Variants in MUC4 observed in about 807,000 individuals in gnomAD.
MUC4 encodes the protein mucin-4.
Under a neutral mutation model 257.9 loss-of-function variants are expected in MUC4, and 202 were observed. The ratio of observed to expected loss-of-function variants is 0.78; its 90% CI spans 0.70 to 0.88. MUC4 has a LOEUF of 0.88. Ranked by LOEUF, MUC4 falls within the 40% of genes least tolerant of loss-of-function variation. MUC4 has a pLI of 0.00. For synonymous variants in MUC4, 2,351 were observed against 2,757.1 expected (o/e 0.85, Z 4.62); for missense variants, 5,976 against 6,513.7 (o/e 0.92, Z 2.84).
chr3:195,780,228 T>G lies in MUC4; in HGVS notation c.11352A>C (p.Ser3784=). 6.8e-7 allele frequency: 1 copy of G among 1,479,906 alleles called. No individual in the cohort carries two copies. The allele number at this position is 1,479,906 out of a possible 1,614,324, so 91.7% of individuals were successfully genotyped here. The change falls in exon 2 of 25, where the codon TCA becomes TCC. Residue 3784 remains serine, a synonymous_variant. Coordinates refer to ENST00000463781, the MANE Select transcript of MUC4 (RefSeq NM_018406.7). The part of the protein sequence containing the change: ...ATPLPVTDAS[S]ASTGDTTPLP... Reference sequence around the variant, plus strand: ...GAGGGGTGGTGTCACCTGTGGATGCTGAGGAAGCGTCGGTGACAGGAAGAG... The same window carrying G: ...GAGGGGTGGTGTCACCTGTGGATGCGGAGGAAGCGTCGGTGACAGGAAGAG...
Position 195,786,249 on chromosome 3 carries a change from A to T in MUC4, c.5331T>A (p.Leu1777=). ...AAGCTGAAGAAAGGCCGGTGACAGG[A>T]AGTGGGGTGGCGTGAGCTGTGGATA... is the stretch of plus-strand genomic sequence containing the variant. ...SSVSTAHATP[L]PVTGLSSAST... is the part of the protein sequence containing the mutation. The change falls in exon 2 of 25, where the codon CTT becomes CTA. Residue 1777 remains leucine, a synonymous_variant. Coordinates refer to ENST00000463781, the MANE Select transcript of MUC4 (RefSeq NM_018406.7). 6.8e-7 allele frequency: 1 copy of T among 1,479,304 alleles called. No homozygotes were observed. Among genetic ancestry groups the T allele is most frequent in the Middle Eastern group, 2.3e-4 (1 of 4,382 alleles). The allele number at this position is 1,479,304 out of a possible 1,614,324, so 91.6% of individuals were successfully genotyped here.
chr3:195,768,101 A>G (rs369761912), intron 7 of MUC4, among the ~76,000 whole-genome samples: 1 of 152,106 alleles, frequency 6.6e-6, no homozygotes, highest in African/African-American at 2.4e-5. Context: ...CTCCTCCCTG[A>G]CACAAGCAGG....
chr3:195,752,357 G>A lies in MUC4; in HGVS notation c.15582+16C>T, dbSNP rs1007247837. ...AAGCGCCCCCTCCCACCCAGAGCGC[G>A]GCCTGCAGCACTGACCGAGGCGTTG... On this transcript the variant is annotated intron_variant, in intron 21 of 24. Coordinates refer to ENST00000463781, the MANE Select transcript of MUC4 (RefSeq NM_018406.7). The A allele has an allele frequency of 1.4e-5, 22 of 1,607,840 alleles. No homozygotes were observed. The highest frequency in any genetic ancestry group is 4.5e-5 in the East Asian group (2 of 44,856).
At chr3:195,811,322 G>A (rs1027536726) in intron 1 of MUC4, among the ~76,000 whole-genome samples, 13 of 151,840 alleles carry the variant, frequency 8.6e-5, no homozygotes, top group African/African-American at 3.1e-4. Flanking sequence ...TACAGGTGGG[G>A]CCCACCACGA....
At chr3:195,749,410 G>T (rs1353238404) in intron 23 of MUC4, among the ~76,000 whole-genome samples, 17 of 152,294 alleles carry the variant, frequency 1.1e-4, no homozygotes, top group African/African-American at 3.6e-4. Context: ...GCCAGACTTG[G>T]GTGGAAACTG....
At chr3:195,767,811 C>T (rs1052909310) in intron 7 of MUC4, among the ~76,000 whole-genome samples, 8 of 120,940 alleles carry the variant, frequency 6.6e-5, no homozygotes, top group Middle Eastern at 4.1e-3. Flanking sequence ...ATCATCACCA[C>T]CATCACCACC....
Position 195,785,251 on chromosome 3 carries a change from G to C in MUC4, c.6329C>G (p.Ala2110Gly). The change falls in exon 2 of 25, where the codon GCC becomes GGC. Residue 2110 changes from alanine (A) to glycine (G), a missense_variant. Physicochemically the swap from Ala to Gly is moderately conservative, Grantham distance 60. This residue lies in a region of MUC4 where 85 missense variants were observed against 325.0 expected (regional missense o/e 0.26). Coordinates refer to ENST00000463781, the MANE Select transcript of MUC4 (RefSeq NM_018406.7). The part of the protein sequence containing the change: ...TDASSVSTGH[A>G]TALHDTDASS... ...AGCATCGGTGTCATGAAGAGCGGTG[G>C]CGTGACCTGTGGATACTGAGGAAGC... The C allele has an allele frequency of 6.4e-7, 1 of 1,553,280 alleles. No individual in the cohort carries two copies. The highest frequency in any genetic ancestry group is 2.4e-5 in the East Asian group (1 of 41,726).
intron 1 of MUC4, among the ~76,000 whole-genome samples, chr3:195,801,643 G>A (rs1735328663): frequency 6.6e-6 from 1 of 151,970 alleles, no homozygotes; most frequent in South Asian, 2.1e-4. Flanking sequence ...TCTTTACCAC[G>A]CACTGCTCGC....
Position 195,749,083 on chromosome 3 carries a change from A to G in MUC4, c.15872-19T>C, listed in dbSNP as rs569272838. The G allele has an allele frequency of 9.6e-5, 155 of 1,608,036 alleles. No homozygotes were observed. The East Asian group carries it at 3.4e-3, about 35-fold the overall frequency. On this transcript the variant is annotated intron_variant, in intron 23 of 24. Transcript: ENST00000463781. ...ACGTTCACTGTCGGGAAGGACACAG[A>G]TTAACACAGAAAGCAACCGATGAAC...
rs755720714 is a variant in MUC4, at chr3:195,751,066, C to A, written c.15694G>T (p.Val5232Phe). The change falls in exon 23 of 25, where the codon GTC becomes TTC. Residue 5232 changes from valine (V) to phenylalanine (F), a missense_variant. Coordinates refer to ENST00000463781, the MANE Select transcript of MUC4 (RefSeq NM_018406.7). ...ASGSPIQHWM[V>F]ISEFQYRPRG... is the part of the protein sequence containing the mutation. ...GGGCGGTACTGGAACTCCGAGATGA[C>A]CATCCAGTGTTGGATGGGGCTTCCC... is the stretch of plus-strand genomic sequence containing the variant. 5.6e-6 allele frequency: 9 copies of A among 1,612,918 alleles called. No individual in the cohort carries two copies. The highest frequency in any genetic ancestry group is 2.2e-5 in the South Asian group (2 of 91,004).
chr3:195,798,719 A>C (rs1365468286), intron 1 of MUC4, among the ~76,000 whole-genome samples: 1 of 152,202 alleles, frequency 6.6e-6, no homozygotes, highest in Non-Finnish European at 1.5e-5. Context: ...AAAAATTAAA[A>C]ATTAAAAAAT....
Position 195,757,155 on chromosome 3 carries a change from A to C in MUC4, c.15160T>G (p.Ser5054Ala). The C allele has an allele frequency of 6.3e-7, 1 of 1,593,946 alleles. No homozygotes were observed. ...YNQTSRVGNS[S>A]LEVAGCKCDG... ...CACCTCCCAACACTCACCTCCAGGG[A>C]GGAGTTGCCCACCCTGCTGGTCTGA... The change falls in exon 18 of 25, where the codon TCC becomes GCC. Residue 5054 changes from serine to alanine, a missense_variant. Ser to Ala is a moderately conservative substitution (Grantham distance 99). Around this residue, in one of 44 missense-constraint regions of MUC4, gnomAD observed 996 missense variants for 1,137.3 expected, o/e 0.88. Transcript: ENST00000463781. This position sits in a 1 kb window ranked among gnomAD's most constrained non-coding sequence, Gnocchi z 4.8.
intron 5 of MUC4, chr3:195,770,677 C>A (rs1329775895): frequency 4.2e-6 from 2 of 480,538 alleles, no homozygotes; most frequent in Non-Finnish European, 7.7e-6. Context: ...CCCACTTTTA[C>A]CTCCCCATGC....
rs752744724 is a variant in MUC4 at position 195,791,419 on chromosome 3, A to G, written c.161T>C (p.Leu54Pro). 2 of 1,613,890 alleles carry G rather than the reference A, an allele frequency of 1.2e-6. No individual in the cohort carries two copies. The highest frequency in any genetic ancestry group is 2.2e-5 in the South Asian group (2 of 91,066). Residue 54 changes from leucine to proline, a missense_variant, in exon 2 of 25, where the codon CTA becomes CCA. Physicochemically the swap from Leu to Pro is moderately conservative, Grantham distance 98. Around this residue, in one of 44 missense-constraint regions of MUC4, gnomAD observed 1,583 missense variants for 1,257.4 expected, o/e 1.26. Coordinates refer to ENST00000463781, the MANE Select transcript of MUC4 (RefSeq NM_018406.7). ...AGAAGCTGCAGTTGATTGTCCCTCTAGTGTCGCTGTTGTTGAGCCTGTTGA... is the reference window on the plus strand; with the variant it reads ...AGAAGCTGCAGTTGATTGTCCCTCTGGTGTCGCTGTTGTTGAGCCTGTTGA... ...VTSTGSTTAT[L>P]EGQSTAASSR...
chr3:195,776,114 C>T (rs1375046502), intron 3 of MUC4, among the ~76,000 whole-genome samples: 2 of 22,554 alleles, frequency 8.9e-5, no homozygotes, highest in Non-Finnish European at 9.0e-5. Context: ...ACCTTCCACA[C>T]CCTTACCTTC....
intron 1 of MUC4, among the ~76,000 whole-genome samples, chr3:195,801,766 C>T (rs905343372): frequency 3.9e-5 from 6 of 152,154 alleles, no homozygotes; most frequent in African/African-American, 1.4e-4. Flanking sequence ...ATCAGTTCGG[C>T]CCCATCCATT....
intron 18 of MUC4, among the ~76,000 whole-genome samples, chr3:195,756,631 C>CT (rs1717712170): frequency 7.6e-6 from 1 of 131,042 alleles, no homozygotes; most frequent in Non-Finnish European, 1.6e-5. Context: ...CCTTTCTTTC[C>CT]CTCCTTCTTT....
chr3:195,759,918 A>AACACACACACACACATGCACGCACGC (rs1553855205), intron 16 of MUC4, among the ~76,000 whole-genome samples: 4 of 149,738 alleles, frequency 2.7e-5, no homozygotes, highest in Non-Finnish European at 4.4e-5. Flanking sequence ...AAACTCCGTC[A>AACACACACACACACATGCACGCACGC]ACACACACAC....
intron 16 of MUC4, 31 bp downstream of exon 16, chr3:195,760,852 GA>G: frequency 6.3e-7 from 1 of 1,595,078 alleles, no homozygotes; most frequent in Non-Finnish European, 8.6e-7. Context: ...TCCCGACTCT[GA>G]AAAGGCCTCC....
Sources: gnomAD v4.1 joint callset for allele counts (sites outside exome capture counted in the v4.1 genomes callset) on GRCh38, gnomAD v4.1.1 for gene constraint, gnomAD v4.1.1 regional missense constraint, Gnocchi (gnomAD v3.1) non-coding constraint, MANE v1.5 for transcripts, NCBI Gene and HGNC (gene_info 2026-07-23, HGNC 2026-07-21) for gene names.